Variants in CNOT8 observed in about 807,000 individuals in gnomAD.
CNOT8 encodes CAF1-like protein.
In CNOT8, 18 loss-of-function variants were observed where a neutral mutation model predicts 34.6. The observed-to-expected ratio is 0.52, with a 90% CI of 0.36 to 0.77. The LOEUF (loss-of-function observed/expected upper bound fraction) is 0.77. CNOT8 is among the 30% of genes least tolerant of loss of function. The pLI is 0.00. For synonymous variants in CNOT8, 101 were observed against 118.8 expected (o/e 0.85, Z 0.98); for missense variants, 189 against 347.9 (o/e 0.54, Z 3.63).
intron 3 of CNOT8, among the ~76,000 whole-genome samples, chr5:154,867,045 T>C (rs970603643): frequency 1.3e-5 from 2 of 152,116 alleles, no homozygotes; most frequent in Admixed American, 1.3e-4. Flanking sequence ...TGGAAAAAAA[T>C]CAAGATTGCA....
intron 1 of CNOT8, among the ~76,000 whole-genome samples, chr5:154,861,299 G>T (rs1335045213): frequency 1.3e-5 from 2 of 152,120 alleles, no homozygotes; most frequent in African/African-American, 4.8e-5. Flanking sequence ...ATTTATTCTG[G>T]CTTTAAGAAG....
intron 4 of CNOT8, among the ~76,000 whole-genome samples, 178 bp downstream of exon 4, chr5:154,871,000 CTGGTT>C (rs1390039946): frequency 6.6e-6 from 1 of 152,174 alleles, no homozygotes; most frequent in Non-Finnish European, 1.5e-5. Context: ...GGCTCATATA[CTGGTT>C]TGTTTCACAC....
At chr5:154,869,394 C>T (rs1762236216) in intron 3 of CNOT8, among the ~76,000 whole-genome samples, 1 of 150,638 alleles carries the variant, frequency 6.6e-6, no homozygotes, top group South Asian at 2.1e-4. Context: ...GCTGGGATTA[C>T]AGGCGTGAGC....
intron 3 of CNOT8, 40 bp from the exon 4 acceptor site, chr5:154,870,621 C>G (rs1422478544): frequency 2.6e-6 from 4 of 1,537,458 alleles, no homozygotes; most frequent in Non-Finnish European, 3.6e-6. Context: ...ACTTCTGTTT[C>G]ATTATTCACC....
chr5:154,868,263 C>CTTTTT (rs200482243), intron 3 of CNOT8, among the ~76,000 whole-genome samples: 24 of 127,246 alleles, frequency 1.9e-4, no homozygotes, highest in African/African-American at 4.7e-4. Flanking sequence ...TTTTTCTTTT[C>CTTTTT]TTTTCTTTTT....
At chr5:154,869,452 T>C (rs1253870287) in intron 3 of CNOT8, among the ~76,000 whole-genome samples, 1 of 147,858 alleles carries the variant, frequency 6.8e-6, no homozygotes, top group Non-Finnish European at 1.5e-5. Context: ...TTTAAGTTTA[T>C]TTATTTTTTT....
At chr5:154,874,180 C>T (rs762619569) in intron 6 of CNOT8, among the ~76,000 whole-genome samples, 1 of 152,094 alleles carries the variant, frequency 6.6e-6, no homozygotes, top group African/African-American at 2.4e-5. Context: ...TGTTAAACAG[C>T]AGCAGCACAG....
At chr5:154,863,100 G>A (rs904517575) in intron 1 of CNOT8, 107 bp from the exon 2 acceptor site, 8 of 552,992 alleles carry the variant, frequency 1.4e-5, no homozygotes, top group Non-Finnish European at 2.3e-5. Flanking sequence ...TAATCTTAAT[G>A]TTTTAAACTA....
chr5:154,872,830 G>A (rs905579033), intron 6 of CNOT8, among the ~76,000 whole-genome samples, 179 bp downstream of exon 6: 1 of 152,072 alleles, frequency 6.6e-6, no homozygotes, highest in African/African-American at 2.4e-5. Flanking sequence ...GTGCAGTGGT[G>A]CGATCTCAGC....
intron 2 of CNOT8, among the ~76,000 whole-genome samples, chr5:154,864,740 C>A: frequency 6.6e-6 from 1 of 152,194 alleles, no homozygotes. Flanking sequence ...TCAGTAGATA[C>A]CAACAAGATC....
At chr5:154,867,801 A>G (rs1762042400) in intron 3 of CNOT8, 2 of 176,166 alleles carry the variant, frequency 1.1e-5, no homozygotes, top group South Asian at 8.2e-5. Flanking sequence ...AGGTAAAGAG[A>G]AAAAAAATTT....
chr5:154,858,289 T>C (rs1174656002), upstream of CNOT8: 1 of 151,958 alleles, frequency 6.6e-6, no homozygotes, highest in African/African-American at 2.4e-5. Flanking sequence ...ATGATTAAAT[T>C]GAGCGAGCGC....
intron 1 of CNOT8, among the ~76,000 whole-genome samples, chr5:154,861,354 G>A (rs1449534913): frequency 6.6e-6 from 1 of 152,130 alleles, no homozygotes; most frequent in African/African-American, 2.4e-5. Flanking sequence ...GTCTACTTAA[G>A]TTTAATTACT....
In CNOT8 at chr5:154,876,042, A is replaced by G. The variant is rs1451105479; in HGVS notation, c.*603A>G. On this transcript the variant is annotated 3_prime_UTR_variant, in exon 7 of 7. Coordinates refer to ENST00000285896, the MANE Select transcript of CNOT8 (RefSeq NM_001301073.2). ...CTCTGTGCTGAAATTTGAAGACCAG[A>G]TAATGAAACTGAAAAGCAAACAATT... The G allele has an allele frequency of 2.0e-5, 3 of 152,400 alleles. No homozygotes were observed. The highest frequency in any genetic ancestry group is 4.4e-5 in the Non-Finnish European group (3 of 68,184). 9.4% of individuals were successfully genotyped at this position (152,400 alleles called of 1,614,324 possible).
At chr5:154,865,056 A>G (rs1761737648) in intron 2 of CNOT8, 136 bp from the exon 3 acceptor site, 2 of 762,896 alleles carry the variant, frequency 2.6e-6, no homozygotes, top group Middle Eastern at 3.4e-4. Context: ...AAAAAAACAC[A>G]AAAAGAATTT....
chr5:154,861,949 C>T (rs559902684), intron 1 of CNOT8, among the ~76,000 whole-genome samples: 2 of 152,314 alleles, frequency 1.3e-5, no homozygotes, highest in East Asian at 1.9e-4. Flanking sequence ...CCGCCCGCCT[C>T]GGCCTTCCAA....
chr5:154,868,373 A>G (rs567029280), intron 3 of CNOT8, among the ~76,000 whole-genome samples: 41 of 145,700 alleles, frequency 2.8e-4, no homozygotes, highest in African/African-American at 4.6e-4. Flanking sequence ...GGTTCAAGCA[A>G]TTCTCTGCCT....
chr5:154,859,722 C>G (rs1281893357), intron 1 of CNOT8: 2 of 152,216 alleles, frequency 1.3e-5, no homozygotes, highest in African/African-American at 2.4e-5. Context: ...AGAAAACTTT[C>G]CTGTGGCTTT....
At chr5:154,860,364 G>A (rs1761212910) in intron 1 of CNOT8, among the ~76,000 whole-genome samples, 1 of 152,064 alleles carries the variant, frequency 6.6e-6, no homozygotes, top group South Asian at 2.1e-4. Context: ...ATGCAGTGGC[G>A]TAATCACAGC....
Sources: allele counts gnomAD v4.1 joint callset (sites outside exome capture counted in the v4.1 genomes callset), GRCh38; gene constraint gnomAD v4.1.1; transcripts MANE v1.5; gene names NCBI Gene and HGNC (gene_info 2026-07-23, HGNC 2026-07-21).